ABAT: variants seen among roughly 807,000 people sequenced by gnomAD.
ABAT encodes 4-aminobutyrate aminotransferase, also known as 4-aminobutyrate aminotransferase, mitochondrial.
Under a neutral mutation model 64.6 loss-of-function variants are expected in ABAT, and 45 were observed. The ratio of observed to expected loss-of-function variants is 0.70; its 90% confidence interval spans 0.55 to 0.89. ABAT has a LOEUF of 0.89. ABAT is among the 40% of genes least tolerant of loss of function. The pLI, the probability that ABAT is intolerant of heterozygous loss-of-function variation, is 0.00. For synonymous variants in ABAT, 297 were observed against 250.5 expected, an observed-to-expected ratio of 1.19 and a Z score of -1.75; for missense variants, 633 against 658.4, an observed-to-expected ratio of 0.96 and a Z score of 0.42.
chr16:8,701,986 G>C (rs1297124633), intron 1 of ABAT, among the ~76,000 whole-genome samples: 2 of 152,030 alleles, frequency 1.3e-5, no homozygotes, highest in African/African-American at 4.8e-5. Flanking sequence ...GGTCCTGCAG[G>C]CCTCCTGGAG....
At chr16:8,715,663 A>G (rs1436954004) in intron 1 of ABAT, 1 of 150,948 alleles carries the variant, frequency 6.6e-6, no homozygotes, top group African/African-American at 2.4e-5. Flanking sequence ...AAAACAATTA[A>G]AGAAGTTTTA....
rs762237876 is a variant in ABAT at position 8,710,683 on chromosome 16, T to TGAGA, written c.-41-25009_-41-25006dup. 7.9e-3 allele frequency among the ~76,000 whole-genome samples: 690 copies of TGAGA among 87,750 alleles called. 28 individuals are homozygous for TGAGA. Among genetic ancestry groups the TGAGA allele is most frequent in the African/African-American group, 0.025 (640 of 25,790 alleles). 57.6% of individuals were successfully genotyped at this position (87,750 alleles called of 152,430 possible). On this transcript the variant is annotated intron_variant, in intron 1 of 15. Transcript: ENST00000268251. ...TGAGTCCAGGAGGTTAAGGCTGCAC[T>TGAGA]GAGAGAGAGACAGAGAGAGAGAGAG...
intron 12 of ABAT, 88 bp from the exon 13 acceptor site, chr16:8,774,802 G>A (rs1260223673): frequency 7.9e-6 from 12 of 1,527,998 alleles, no homozygotes; most frequent in South Asian, 2.3e-5. Flanking sequence ...TGTGGACCCA[G>A]GGTTTGGCAG....
At chr16:8,707,872 G>C (rs2057983445) in intron 1 of ABAT, among the ~76,000 whole-genome samples, 2 of 152,092 alleles carry the variant, frequency 1.3e-5, no homozygotes, top group South Asian at 4.1e-4. Flanking sequence ...ACCCGGCCAG[G>C]AGTTAGGGAT....
chr16:8,741,559 T>C (rs1387790492), intron 2 of ABAT, among the ~76,000 whole-genome samples: 1 of 152,248 alleles, frequency 6.6e-6, no homozygotes, highest in Non-Finnish European at 1.5e-5. Flanking sequence ...AGATGATTCC[T>C]GGTTGTTACC....
intron 1 of ABAT, among the ~76,000 whole-genome samples, chr16:8,719,438 C>T (rs910100989): frequency 3.3e-5 from 5 of 152,162 alleles, no homozygotes; most frequent in African/African-American, 7.2e-5. Context: ...ATGTGAAGCC[C>T]TGTCTGTTCA....
intron 5 of ABAT, among the ~76,000 whole-genome samples, chr16:8,755,875 C>T (rs1252687565): frequency 6.6e-6 from 1 of 152,138 alleles, no homozygotes; most frequent in African/African-American, 2.4e-5. Context: ...CGATGAAACC[C>T]CGTCTCTACT....
intron 1 of ABAT, among the ~76,000 whole-genome samples, chr16:8,728,743 A>C (rs1163075344): frequency 6.6e-6 from 1 of 152,166 alleles, no homozygotes; most frequent in African/African-American, 2.4e-5. Flanking sequence ...GTGTGGTGGC[A>C]CATGCCTATA....
intron 1 of ABAT, among the ~76,000 whole-genome samples, chr16:8,734,578 A>G (rs1209205583): frequency 3.9e-5 from 6 of 152,146 alleles, no homozygotes; most frequent in Non-Finnish European, 8.8e-5. Context: ...CATGTTAATA[A>G]TAGTAATAAA....
chr16:8,680,648 G>C (rs1262017198), intron 1 of ABAT, among the ~76,000 whole-genome samples: 1 of 152,128 alleles, frequency 6.6e-6, no homozygotes, highest in Non-Finnish European at 1.5e-5. Context: ...GGCTGGTCTT[G>C]AACTACTGAC....
At chr16:8,778,203 T>A (rs1367754662) in intron 14 of ABAT, among the ~76,000 whole-genome samples, 2 of 152,196 alleles carry the variant, frequency 1.3e-5, no homozygotes, top group Non-Finnish European at 2.9e-5. Flanking sequence ...TGTTTCCTTG[T>A]CTGCTGTAAA....
intron 1 of ABAT, among the ~76,000 whole-genome samples, chr16:8,701,830 T>C (rs2057830057): frequency 6.6e-6 from 1 of 151,454 alleles, no homozygotes; most frequent in South Asian, 2.1e-4. Context: ...GTGGAAGAGA[T>C]TTTTGGGGAG....
At chr16:8,722,710 G>A (rs139002120) in intron 1 of ABAT, 4 of 783,844 alleles carry the variant, frequency 5.1e-6, no homozygotes, top group Non-Finnish European at 7.3e-6. Context: ...TGGCGTGCCA[G>A]TGCTCTGAAA....
In ABAT at chr16:8,768,856, T is replaced by C; in HGVS notation, c.699T>C (p.Ile233=). The C allele has an allele frequency of 3.1e-6, 5 of 1,614,224 alleles. No homozygotes were observed. The highest frequency in any genetic ancestry group is 4.2e-6 in the Non-Finnish European group (5 of 1,180,032). Residue 233 remains isoleucine (I), a synonymous_variant, in exon 11 of 16, where the codon ATT becomes ATC. Coordinates refer to ENST00000268251, the MANE Select transcript of ABAT (RefSeq NM_020686.6). ...GCLATTHSKA[I]HKIDIPSFDW... ...TAGCGACCACGCACTCTAAAGCCATTCACAAGATCGACATCCCTTCCTTTG... is the reference window on the plus strand; with the variant it reads ...TAGCGACCACGCACTCTAAAGCCATCCACAAGATCGACATCCCTTCCTTTG...
At chr16:8,775,114 C>T (rs1175192953) in intron 13 of ABAT, 57 bp downstream of exon 13, 4 of 1,610,538 alleles carry the variant, frequency 2.5e-6, no homozygotes, top group Non-Finnish European at 3.4e-6. Flanking sequence ...GCATCCTCTT[C>T]TCCTAACTGT....
At chr16:8,717,918 A>G (rs8059639) in intron 1 of ABAT, among the ~76,000 whole-genome samples, 44,784 of 151,694 alleles carry the variant, frequency 0.3, 7,802 homozygotes, top group African/African-American at 0.49. Context: ...GCCTCCCAAC[A>G]TGCTGGGATT....
At chr16:8,686,564 A>G (rs1288592218) in intron 1 of ABAT, among the ~76,000 whole-genome samples, 1 of 152,218 alleles carries the variant, frequency 6.6e-6, no homozygotes, top group Non-Finnish European at 1.5e-5. Context: ...CGCTCACAAC[A>G]GCCCTATGAG....
In ABAT at chr16:8,776,080, T is replaced by C. The variant is rs2060256613; in HGVS notation, c.1123-264T>C. Among the ~76,000 whole-genome samples, 2 of 152,218 alleles carry C rather than the reference T, an allele frequency of 1.3e-5. No individual in the cohort carries two copies. Reference sequence around the variant, plus strand: ...TGGGACTGAGGGATTTCCCAGTGCATGGGACGATTTGGTCCTCCCCATAGC... The same window carrying C: ...TGGGACTGAGGGATTTCCCAGTGCACGGGACGATTTGGTCCTCCCCATAGC... On this transcript the variant is annotated intron_variant, in intron 13 of 15. Coordinates refer to ENST00000268251, the MANE Select transcript of ABAT (RefSeq NM_020686.6). The surrounding 1 kb of genome is among the most constrained non-coding windows in gnomAD (Gnocchi z 4.4).
intron 5 of ABAT, among the ~76,000 whole-genome samples, chr16:8,751,076 G>A (rs1304129677): frequency 6.6e-6 from 1 of 150,606 alleles, no homozygotes; most frequent in Non-Finnish European, 1.5e-5. Context: ...AGCCTCCCAA[G>A]TAGCTGGGAT....
Sources: gnomAD v4.1 joint callset for allele counts (sites outside exome capture counted in the v4.1 genomes callset) on GRCh38, gnomAD v4.1.1 for gene constraint, Gnocchi (gnomAD v3.1) non-coding constraint, MANE v1.5 for transcripts, NCBI Gene and HGNC (gene_info 2026-07-23, HGNC 2026-07-21) for gene names.